Variants in PTPRB observed in about 807,000 individuals in gnomAD.
PTPRB encodes protein tyrosine phosphatase receptor type B.
PTPRB carries 97 observed loss-of-function variants against 238.1 expected under a neutral mutation model. That is an observed-to-expected ratio of 0.41 (90% CI 0.35 to 0.48). The LOEUF is 0.48. Among genes scored for constraint, PTPRB ranks in the 20% least tolerant of loss-of-function variants. PTPRB has a pLI of 0.30. For missense variants in PTPRB, 2,292 were observed against 2,681.9 expected, an observed-to-expected ratio of 0.85 and a Z score of 3.21; for synonymous variants, 970 against 995.4, an observed-to-expected ratio of 0.97 and a Z score of 0.48.
In PTPRB at chr12:70,539,610, C is replaced by T. The variant is rs761975696; in HGVS notation, c.5778+15G>A. 9.3e-6 allele frequency: 14 copies of T among 1,503,934 alleles called. No homozygotes were observed. The highest frequency in any genetic ancestry group is 1.8e-4 in the Middle Eastern group (1 of 5,480). 93.2% of individuals were successfully genotyped at this position (1,503,934 alleles called of 1,614,324 possible). A position where few individuals can be genotyped will look rare whatever the true frequency, so the allele number is the denominator to read the frequency against. On this transcript the variant is annotated intron_variant, in intron 26 of 33. Coordinates refer to ENST00000334414, the MANE Select transcript of PTPRB (RefSeq NM_001109754.4). ...GAACTAGGGATGCTGAAGCTTCATT[C>T]TGCCTGAGTTGTACCTCGTATTCCT...
At chr12:70,576,259 A>T in intron 11 of PTPRB, 123 bp downstream of exon 11, 1 of 1,088,698 alleles carries the variant, frequency 9.2e-7, no homozygotes, top group Non-Finnish European at 1.3e-6. Flanking sequence ...CGAAGACTTC[A>T]TAACAGTTTT....
At position 70,532,281 on chromosome 12, in the gene PTPRB, G is replaced by C. The variant is rs1873379421; in HGVS notation, c.6369-111C>G. The stretch of plus-strand genomic sequence containing the variant: ...TTTTCCCTTCCCAGTTATGGGAGAA[G>C]ATAGGAATATTTCTTTCTCTCAAAT... On this transcript the variant is annotated intron_variant, in intron 31 of 33. Transcript: ENST00000334414. The C allele has an allele frequency of 2.2e-5, 29 of 1,302,206 alleles. No individual in the cohort carries two copies. In the South Asian group the frequency reaches 4.6e-4, roughly 21 times the overall value. 80.7% of individuals were successfully genotyped at this position (1,302,206 alleles called of 1,614,324 possible). A position where few individuals can be genotyped will look rare whatever the true frequency, so the allele number is the denominator to read the frequency against.
At chr12:70,534,404 T>G in intron 31 of PTPRB, 84 bp downstream of exon 31, 1 of 1,468,982 alleles carries the variant, frequency 6.8e-7, no homozygotes, top group Non-Finnish European at 9.2e-7. Context: ...CCCACCAAAT[T>G]CCCCATGCTT....
chr12:70,577,628 C>T (rs930942192), intron 10 of PTPRB, among the ~76,000 whole-genome samples: 10 of 152,128 alleles, frequency 6.6e-5, no homozygotes, highest in Non-Finnish European at 5.9e-5. Flanking sequence ...ATATGATTGT[C>T]AATATCAGTA....
At chr12:70,572,775 T>TAAAAAAAAAAAAAAAAA (rs10709963) in intron 11 of PTPRB, among the ~76,000 whole-genome samples, 3 of 93,942 alleles carry the variant, frequency 3.2e-5, no homozygotes, top group South Asian at 3.5e-4. Flanking sequence ...CTCCATCTCA[T>TAAAAAAAAAAAAAAAAA]AAAAAAAAAA....
intron 3 of PTPRB, among the ~76,000 whole-genome samples, chr12:70,609,996 G>T (rs913951842): frequency 1.3e-5 from 2 of 152,088 alleles, no homozygotes; most frequent in African/African-American, 2.4e-5. Context: ...TGCTCCTGCC[G>T]CCCCGGGCGG....
At chr12:70,577,440 CT>C (rs1346389459) in intron 10 of PTPRB, among the ~76,000 whole-genome samples, 3 of 152,150 alleles carry the variant, frequency 2.0e-5, no homozygotes, top group Non-Finnish European at 4.4e-5. Flanking sequence ...AAGAAGTTCT[CT>C]GGTTGGAGGT....
intron 3 of PTPRB, among the ~76,000 whole-genome samples, chr12:70,615,159 G>T (rs1884622046): frequency 6.6e-6 from 1 of 152,142 alleles, no homozygotes; most frequent in Non-Finnish European, 1.5e-5. Context: ...AATAAACAAT[G>T]AATGCTGCGC....
intron 2 of PTPRB, among the ~76,000 whole-genome samples, chr12:70,626,300 T>C (rs201007150): frequency 0.021 from 530 of 25,526 alleles, 37 homozygotes; most frequent in East Asian, 0.15. Flanking sequence ...TCCATCCATC[T>C]ATCTATCTAT....
chr12:70,521,852 T>C (rs1363463991), intron 33 of PTPRB, among the ~76,000 whole-genome samples: 1 of 152,152 alleles, frequency 6.6e-6, no homozygotes. Flanking sequence ...GTGGTTATCC[T>C]TTTCTATACC....
chr12:70,529,935 CAAAATCCATGGGGAGTAGAGGA>C (rs138777401), intron 32 of PTPRB, among the ~76,000 whole-genome samples: 23,678 of 151,856 alleles, frequency 0.16, 2,169 homozygotes, highest in Non-Finnish European at 0.22. Context: ...CACCAGCTGA[CAAAATCCATGGGGAGTAGAGGA>C]AAAATCCATG....
chr12:70,594,583 T>C lies in PTPRB; in HGVS notation c.1400A>G (p.Asp467Gly). The C allele has an allele frequency of 3.1e-6, 5 of 1,614,000 alleles. No individual in the cohort carries two copies. Among genetic ancestry groups the C allele is most frequent in the Non-Finnish European group, 4.2e-6 (5 of 1,179,894 alleles). ...AAAAGCATAGGAAGTAGCATGTTTG[T>C]CCACAACACCGCCATGAACTAGGAT... ...KGILVHGGVVDKHATSYAFHG... is the reference protein window; with the variant it reads ...KGILVHGGVVGKHATSYAFHG... Residue 467 changes from aspartate (D) to glycine (G), a missense_variant, in exon 6 of 34, where the codon GAC (aspartate) becomes GGC (glycine). Physicochemically the swap from Asp to Gly is moderately conservative, Grantham distance 94. Transcript: ENST00000334414.
At chr12:70,540,830 C>G (rs926744941) in intron 23 of PTPRB, 28 bp downstream of exon 23, 9 of 1,523,222 alleles carry the variant, frequency 5.9e-6, no homozygotes, top group Non-Finnish European at 7.2e-6. Context: ...GTTGTGGGTC[C>G]AATCACCAAA....
At chr12:70,583,087 T>A (rs901164252) in intron 9 of PTPRB, among the ~76,000 whole-genome samples, 1 of 152,118 alleles carries the variant, frequency 6.6e-6, no homozygotes, top group Non-Finnish European at 1.5e-5. Flanking sequence ...ACGGAGGAAG[T>A]GGAAATTTCA....
chr12:70,541,028 A>G (rs975235830), intron 22 of PTPRB, 71 bp from the exon 23 acceptor site: 133 of 1,198,446 alleles, frequency 1.1e-4, no homozygotes, highest in Non-Finnish European at 1.5e-4. Context: ...TAAGAAAGCT[A>G]TTGAAGCCAT....
chr12:70,534,933 G>C lies in PTPRB; in HGVS notation c.6104C>G (p.Pro2035Arg), dbSNP rs759017338. ...ATAGTAGAGGGAATCCTGGTCCGCT[G>C]GCCAGTAATGATCACACTTTACCTA... ...KGRVKCDHYW[P>R]ADQDSLYYGD... is the part of the protein sequence containing the mutation. Residue 2035 changes from proline (P) to arginine (R), a missense_variant, in exon 30 of 34, where the codon CCA becomes CGA. Pro to Arg is a moderately radical substitution (Grantham distance 103). Transcript: ENST00000334414. 7 of 1,613,714 alleles carry C rather than the reference G, an allele frequency of 4.3e-6. No homozygotes were observed. Among genetic ancestry groups the C allele is most frequent in the Non-Finnish European group, 5.1e-6 (6 of 1,179,732 alleles).
At chr12:70,551,493 A>G (rs1247074609) in intron 21 of PTPRB, among the ~76,000 whole-genome samples, 2 of 152,180 alleles carry the variant, frequency 1.3e-5, no homozygotes, top group Non-Finnish European at 2.9e-5. Flanking sequence ...GGAGGGGCTA[A>G]GAACTCTCTT....
At chr12:70,586,301 C>G (rs1053946889) in intron 9 of PTPRB, among the ~76,000 whole-genome samples, 1 of 152,166 alleles carries the variant, frequency 6.6e-6, no homozygotes, top group Non-Finnish European at 1.5e-5. Flanking sequence ...ACATCCTCTC[C>G]AGCACCTGTT....
intron 32 of PTPRB, among the ~76,000 whole-genome samples, chr12:70,526,817 G>T (rs1872511401): frequency 6.6e-6 from 1 of 152,170 alleles, no homozygotes; most frequent in South Asian, 2.1e-4. Context: ...GGTAAGCTGT[G>T]AATGAACTCT....
Sources: allele counts gnomAD v4.1 joint callset (sites outside exome capture counted in the v4.1 genomes callset), GRCh38; gene constraint gnomAD v4.1.1; transcripts MANE v1.5; gene names NCBI Gene and HGNC (gene_info 2026-07-23, HGNC 2026-07-21).